The following TMEM131L variants were observed in gnomAD, a reference collection of about 807,000 sequenced individuals.
TMEM131L encodes the protein transmembrane 131 like.
TMEM131L carries 54 observed loss-of-function variants against 192.2 expected under a neutral mutation model. That is an observed-to-expected ratio of 0.28 (90% CI 0.23 to 0.35). The LOEUF (loss-of-function observed/expected upper bound fraction) is 0.35. TMEM131L is among the 10% of genes least tolerant of loss of function. TMEM131L has a pLI of 1.00. For missense variants in TMEM131L, 1,888 were observed against 1,972.9 expected, an observed-to-expected ratio of 0.96 and a Z score of 0.82; for synonymous variants, 701 against 704.9, an observed-to-expected ratio of 0.99 and a Z score of 0.09.
At chr4:153,507,743 G>A (rs1011043670) in intron 3 of TMEM131L, among the ~76,000 whole-genome samples, 4 of 151,884 alleles carry the variant, frequency 2.6e-5, no homozygotes, top group Non-Finnish European at 5.9e-5. Flanking sequence ...AAAAAACCAG[G>A]GAACGCTTAT....
chr4:153,586,332 G>A lies in TMEM131L; in HGVS notation c.1435G>A (p.Gly479Ser), dbSNP rs1439175853. 6.2e-7 allele frequency: 1 copy of A among 1,604,078 alleles called. No homozygotes were observed. The highest frequency in any genetic ancestry group is 1.7e-5 in the Admixed American group (1 of 58,324). ...CAATGTATTTTTGACTACAAACATA[G>A]GTGCCATTTTTGCAATACCTCTACA... is the stretch of plus-strand genomic sequence containing the variant. ...FTNVFLTTNIGAIFAIPLQIY... is the reference protein window; with the variant it reads ...FTNVFLTTNISAIFAIPLQIY... The change falls in exon 14 of 35, where the codon GGT becomes AGT. Residue 479 changes from glycine to serine, a missense_variant. Transcript: ENST00000409959.
At position 153,573,339 on chromosome 4, in the gene TMEM131L, G is replaced by A. The variant is rs569823991; in HGVS notation, c.661-7487G>A. On this transcript the variant is annotated intron_variant, in intron 7 of 34. Transcript: ENST00000409959. ...AAGCGACGGCAGCCTGCATCACAAA[G>A]CTTAAACTTTTGCCGAGCCTGGATC... 1.1e-3 allele frequency among the ~76,000 whole-genome samples: 172 copies of A among 152,360 alleles called. 1 individual carries two copies. Among genetic ancestry groups the A allele is most frequent in the African/African-American group, 3.9e-3 (161 of 41,590 alleles).
At chr4:153,487,117 C>T (rs1196640446) in intron 3 of TMEM131L, among the ~76,000 whole-genome samples, 1 of 152,180 alleles carries the variant, frequency 6.6e-6, no homozygotes, top group African/African-American at 2.4e-5. Flanking sequence ...CTCCAGGTGG[C>T]TCTGATGCAC....
intron 3 of TMEM131L, among the ~76,000 whole-genome samples, chr4:153,545,351 G>T (rs1051305092): frequency 1.3e-5 from 2 of 148,184 alleles, no homozygotes; most frequent in African/African-American, 5.1e-5. Flanking sequence ...GCAGTGGCGC[G>T]ATCCCGACTC....
chr4:153,510,778 G>C (rs992752674), intron 3 of TMEM131L, among the ~76,000 whole-genome samples: 7 of 151,998 alleles, frequency 4.6e-5, no homozygotes, highest in Non-Finnish European at 8.8e-5. Context: ...GCTACTTGGA[G>C]GGCACTGAAG....
At position 153,506,297 on chromosome 4, in the gene TMEM131L, A is replaced by G. The variant is rs187748875; in HGVS notation, c.239+32409A>G. 3.8e-3 allele frequency among the ~76,000 whole-genome samples: 582 copies of G among 152,354 alleles called. 1 individual carries two copies. Among genetic ancestry groups the G allele is most frequent in the Non-Finnish European group, 7.0e-3 (477 of 68,026 alleles). On this transcript the variant is annotated intron_variant, in intron 3 of 34. Transcript: ENST00000409959. ...AAAAGATCGTATGGTTTACGGGGAC[A>G]AAATAATTTGACTGTCATCACATTT...
chr4:153,584,424 G>A (rs1249622670), intron 11 of TMEM131L, among the ~76,000 whole-genome samples: 4 of 152,168 alleles, frequency 2.6e-5, no homozygotes, highest in East Asian at 3.8e-4. Flanking sequence ...GAACACAAGC[G>A]ACTCAATATT....
chr4:153,535,972 C>T (rs1237938711), intron 3 of TMEM131L, among the ~76,000 whole-genome samples: 1 of 152,140 alleles, frequency 6.6e-6, no homozygotes, highest in Non-Finnish European at 1.5e-5. Flanking sequence ...TTTATTGGAG[C>T]GCTCTGCTTC....
intron 19 of TMEM131L, among the ~76,000 whole-genome samples, chr4:153,594,706 G>A (rs534525244): frequency 1.7e-4 from 26 of 152,292 alleles, no homozygotes; most frequent in African/African-American, 6.3e-4. Context: ...GAAGGAGGGA[G>A]ACCACAGATA....
chr4:153,548,007 T>C (rs1737317295), intron 3 of TMEM131L, among the ~76,000 whole-genome samples: 1 of 146,542 alleles, frequency 6.8e-6, no homozygotes, highest in South Asian at 2.2e-4. Context: ...TTTTGGTACA[T>C]GAAGTTGCCT....
chr4:153,546,810 C>G (rs1737211819), intron 3 of TMEM131L, among the ~76,000 whole-genome samples: 1 of 152,160 alleles, frequency 6.6e-6, no homozygotes, highest in South Asian at 2.1e-4. Flanking sequence ...GCCTGTAAAC[C>G]CAGCTACTCG....
chr4:153,594,465 C>T (rs897972686), intron 19 of TMEM131L, among the ~76,000 whole-genome samples: 1 of 152,116 alleles, frequency 6.6e-6, no homozygotes, highest in Non-Finnish European at 1.5e-5. Context: ...TCAGTCATTC[C>T]GTGGCTATTT....
chr4:153,498,741 A>C (rs1317741200), intron 3 of TMEM131L, among the ~76,000 whole-genome samples: 1 of 152,190 alleles, frequency 6.6e-6, no homozygotes, highest in Non-Finnish European at 1.5e-5. Context: ...ATTTGCTCTC[A>C]TCTTTTTCTC....
chr4:153,485,795 T>C (rs894253002), intron 3 of TMEM131L, among the ~76,000 whole-genome samples: 5 of 152,238 alleles, frequency 3.3e-5, no homozygotes, highest in East Asian at 1.9e-4. Context: ...TCCATAAAAA[T>C]TGGATTTAAG....
At chr4:153,549,052 A>ACTC (rs1410473866) in intron 3 of TMEM131L, among the ~76,000 whole-genome samples, 1 of 151,858 alleles carries the variant, frequency 6.6e-6, no homozygotes, top group Non-Finnish European at 1.5e-5. Context: ...GCAAGCTCAA[A>ACTC]CTCCTGGGCT....
intron 3 of TMEM131L, among the ~76,000 whole-genome samples, chr4:153,480,517 C>CA (rs1157080931): frequency 0.37 from 18,601 of 49,998 alleles, 2,885 homozygotes; most frequent in East Asian, 0.52. Flanking sequence ...GACTCCATCT[C>CA]AAAAAAAAAA....
At chr4:153,499,501 A>G (rs553733139) in intron 3 of TMEM131L, among the ~76,000 whole-genome samples, 2 of 149,654 alleles carry the variant, frequency 1.3e-5, no homozygotes, top group African/African-American at 2.5e-5. Context: ...ATCTCAGCTC[A>G]CTACAACCTC....
At chr4:153,548,110 C>G (rs954222241) in intron 3 of TMEM131L, among the ~76,000 whole-genome samples, 6 of 152,094 alleles carry the variant, frequency 3.9e-5, no homozygotes, top group Non-Finnish European at 8.8e-5. Context: ...ACCTCTTCAC[C>G]TTCGTTACCA....
intron 8 of TMEM131L, among the ~76,000 whole-genome samples, 185 bp from the exon 9 acceptor site, chr4:153,581,222 C>T (rs1487456503): frequency 2.0e-5 from 3 of 152,186 alleles, no homozygotes; most frequent in African/African-American, 4.8e-5. Context: ...CCACTGCACT[C>T]CAGCCTGGGT....
Sources: allele counts gnomAD v4.1 joint callset (sites outside exome capture counted in the v4.1 genomes callset), GRCh38; gene constraint gnomAD v4.1.1; transcripts MANE v1.5; gene names NCBI Gene and HGNC (gene_info 2026-07-23, HGNC 2026-07-21).